Variants in ZNF99 observed in about 807,000 individuals in gnomAD.
The protein encoded by ZNF99 is zinc finger protein 99.
In ZNF99, 8 loss-of-function variants were observed where a neutral mutation model predicts 12.8. The observed-to-expected ratio is 0.62, with a 90% confidence interval of 0.37 to 1.13. The LOEUF (loss-of-function observed/expected upper bound fraction) is 1.13. Ranked by LOEUF, ZNF99 falls within the 50% of genes most tolerant of loss-of-function variation. The probability of loss-of-function intolerance (pLI) is 0.02; values close to 1 mark genes in which losing one functional copy is unlikely to be tolerated. For synonymous variants in ZNF99, 318 were observed against 319.0 expected, an observed-to-expected ratio of 1.00 and a Z score of 0.03; for missense variants, 1,007 against 1,006.2, an observed-to-expected ratio of 1.00 and a Z score of -0.01.
Position 22,755,644 on chromosome 19 carries a change from TTTATG to T in ZNF99, c.*1665_*1669del. On this transcript the variant is annotated 3_prime_UTR_variant, in exon 4 of 4. Transcript: ENST00000596209. ...AGTGTTCCTCTCCAAGATAAATTAT[TTTATG>T]TTGAGTAAAGTTTGAGGACTGGTTA... 3.6e-6 allele frequency: 1 copy of T among 278,158 alleles called. No homozygotes were observed. Among genetic ancestry groups the T allele is most frequent in the Middle Eastern group, 1.2e-3 (1 of 804 alleles). 17.2% of individuals were successfully genotyped at this position (278,158 alleles called of 1,614,324 possible). A position where few individuals can be genotyped will look rare whatever the true frequency, so the allele number is the denominator to read the frequency against.
chr19:22,782,764 C>T (rs1377372567), intron 1 of ZNF99, among the ~76,000 whole-genome samples: 1 of 150,616 alleles, frequency 6.6e-6, no homozygotes, highest in African/African-American at 2.4e-5. Context: ...CTCTGCCTCC[C>T]GGGTTCAAGC....
chr19:22,765,539 A>C (rs1973194625), intron 3 of ZNF99, among the ~76,000 whole-genome samples: 1 of 152,044 alleles, frequency 6.6e-6, no homozygotes, highest in Non-Finnish European at 1.5e-5. Flanking sequence ...AAGACGAAAA[A>C]AAAGAGCTTT....
intron 3 of ZNF99, among the ~76,000 whole-genome samples, chr19:22,761,781 C>CA (rs1192629893): frequency 6.6e-6 from 1 of 152,072 alleles, no homozygotes; most frequent in Non-Finnish European, 1.5e-5. Flanking sequence ...GAAATTATAT[C>CA]AAACACTCTC....
At position 22,756,446 on chromosome 19, in the gene ZNF99, C is replaced by T. The variant is rs142246955; in HGVS notation, c.*868G>A. ...GGACTAAATGCTTTACCACACTCTT[C>T]ACATTTGTAGGGTTTCTTTCCAGTA... On this transcript the variant is annotated 3_prime_UTR_variant, in exon 4 of 4. Coordinates refer to ENST00000596209, the MANE Select transcript of ZNF99 (RefSeq NM_001080409.3). 1.7e-3 allele frequency: 2,623 copies of T among 1,586,840 alleles called. 403 individuals carry two copies. The African/African-American group carries it at 0.023, about 14-fold the overall frequency.
chr19:22,754,046 G>C lies in ZNF99; in HGVS notation c.*3268C>G, dbSNP rs749217822. 5.0e-5 allele frequency: 23 copies of C among 455,924 alleles called. No individual in the cohort carries two copies. Among genetic ancestry groups the C allele is most frequent in the South Asian group, 3.6e-4 (23 of 64,552 alleles). The allele number at this position is 455,924 out of a possible 1,614,324, so 28.2% of individuals were successfully genotyped here. A position where few individuals can be genotyped will look rare whatever the true frequency, so the allele number is the denominator to read the frequency against. ...GTAGAGCTTCTCTCCAGTATGATTT[G>C]ATAACTTATTAAAAACTTTGCCACA... On this transcript the variant is annotated 3_prime_UTR_variant, in exon 4 of 4. Coordinates refer to ENST00000596209, the MANE Select transcript of ZNF99 (RefSeq NM_001080409.3).
chr19:22,763,855 G>A (rs1363711400), intron 3 of ZNF99, among the ~76,000 whole-genome samples: 1 of 140,800 alleles, frequency 7.1e-6, no homozygotes, highest in Non-Finnish European at 1.5e-5. Flanking sequence ...CTTCGACAAA[G>A]CAAACAAAAA....
rs1973079621 is a variant in ZNF99 at position 22,757,473 on chromosome 19, A to T, written c.2436T>A (p.Thr812=). Reference sequence around the variant, plus strand: ...CTTCACATTTGTAGGATTTCTCTCCAGTATGAATTATCTCATGTTTTCTAA... The same window carrying T: ...CTTCACATTTGTAGGATTTCTCTCCTGTATGAATTATCTCATGTTTTCTAA... ...STLRKHEIIH[T]GEKSYKCEEC... The change falls in exon 4 of 4, where the codon ACT becomes ACA. Residue 812 remains threonine (T), a synonymous_variant. Transcript: ENST00000596209. The T allele has an allele frequency of 8.7e-6, 14 of 1,610,838 alleles. No homozygotes were observed. The Admixed American group carries it at 2.3e-4, about 27-fold the overall frequency.
chr19:22,758,003 G>C lies in ZNF99; in HGVS notation c.1906C>G (p.Leu636Val), dbSNP rs774438521. 5 of 1,611,690 alleles carry C rather than the reference G, an allele frequency of 3.1e-6. No homozygotes were observed. Among genetic ancestry groups the C allele is most frequent in the Non-Finnish European group, 1.7e-6 (2 of 1,178,584 alleles). Residue 636 changes from leucine (L) to valine (V), a missense_variant, in exon 4 of 4, where the codon CTT (leucine) becomes GTT (valine). By Grantham distance (32) the Leu-to-Val change is conservative. Coordinates refer to ENST00000596209, the MANE Select transcript of ZNF99 (RefSeq NM_001080409.3). ...GTATGAATTATCTCATGTTTTCTAA[G>C]GGTTGAGGACTGGCTAAAAGCTTTG... ...CGKAFSQSST[L>V]RKHEIIHTGE...
At chr19:22,768,533 T>C in intron 2 of ZNF99, 133 bp from the exon 3 acceptor site, 1 of 727,470 alleles carries the variant, frequency 1.4e-6, no homozygotes, top group Non-Finnish European at 2.1e-6. Context: ...TTTCTAAATA[T>C]TTAGAAAATA....
intron 3 of ZNF99, among the ~76,000 whole-genome samples, chr19:22,764,892 T>A (rs1437753358): frequency 6.6e-6 from 1 of 152,206 alleles, no homozygotes; most frequent in Non-Finnish European, 1.5e-5. Context: ...CTGGTGGGAA[T>A]GTAAACTAGT....
In ZNF99 at chr19:22,758,649, A is replaced by G. The variant is rs1179782454; in HGVS notation, c.1260T>C (p.Thr420=). ...CTTCACATTTGCAGGGTTTCTCTGCAGTATGAATTACCTTATGTACAGTAA... is the reference window on the plus strand; with the variant it reads ...CTTCACATTTGCAGGGTTTCTCTGCGGTATGAATTACCTTATGTACAGTAA... ...SKLTVHKVIH[T]AEKPCKCEEC... Residue 420 remains threonine (T), a synonymous_variant, in exon 4 of 4, where the codon ACT becomes ACC. Transcript: ENST00000596209. The G allele has an allele frequency of 1.2e-6, 2 of 1,612,524 alleles. No individual in the cohort carries two copies. The highest frequency in any genetic ancestry group is 1.7e-6 in the Non-Finnish European group (2 of 1,179,344).
At chr19:22,765,813 G>A (rs1010917136) in intron 3 of ZNF99, among the ~76,000 whole-genome samples, 5 of 151,912 alleles carry the variant, frequency 3.3e-5, no homozygotes, top group African/African-American at 1.2e-4. Context: ...GTGAGACTGT[G>A]CATATATAAC....
rs1973018793 is a variant in ZNF99, at chr19:22,754,480, TTCA to T, written c.*2831_*2833del. 2.4e-6 allele frequency: 1 copy of T among 415,690 alleles called. No individual in the cohort carries two copies. Among genetic ancestry groups the T allele is most frequent in the Non-Finnish European group, 4.7e-6 (1 of 211,412 alleles). 25.8% of individuals were successfully genotyped at this position (415,690 alleles called of 1,614,324 possible). A position where few individuals can be genotyped will look rare whatever the true frequency, so the allele number is the denominator to read the frequency against. On this transcript the variant is annotated 3_prime_UTR_variant, in exon 4 of 4. Coordinates refer to ENST00000596209, the MANE Select transcript of ZNF99 (RefSeq NM_001080409.3). ...TGTTTTTAAAGCTTTTGTCACATTCTTCATATTTATAAAATTTATCTTCTGTAT... is the reference window on the plus strand; with the variant it reads ...TGTTTTTAAAGCTTTTGTCACATTCTTATTTATAAAATTTATCTTCTGTAT...
chr19:22,759,485 C>G lies in ZNF99; in HGVS notation c.424G>C (p.Gly142Arg). 1 of 1,605,866 alleles carries G rather than the reference C, an allele frequency of 6.2e-7. No individual in the cohort carries two copies. Among genetic ancestry groups the G allele is most frequent in the Non-Finnish European group, 8.5e-7 (1 of 1,177,226 alleles). ...TATTTGTTACACTGAAATATTTTTCCCTGGGTAGTTGTCCAACATTGGTTA... is the reference window on the plus strand; with the variant it reads ...TATTTGTTACACTGAAATATTTTTCGCTGGGTAGTTGTCCAACATTGGTTA... ...KLNQCWTTTQ[G>R]KIFQCNKYVK... Residue 142 changes from glycine to arginine, a missense_variant, in exon 4 of 4, where the codon GGA becomes CGA. Transcript: ENST00000596209.
intron 2 of ZNF99, 34 bp downstream of exon 2, chr19:22,769,164 A>G (rs1259675536): frequency 1.9e-6 from 3 of 1,590,164 alleles, no homozygotes; most frequent in African/African-American, 2.7e-5. Flanking sequence ...CCTATAGAAT[A>G]TAATAGGAAT....
At position 22,757,534 on chromosome 19, in the gene ZNF99, T is replaced by C. The variant is rs775013616; in HGVS notation, c.2375A>G (p.Glu792Gly). The change falls in exon 4 of 4, where the codon GAA becomes GGA. Residue 792 changes from glutamate to glycine, a missense_variant. By Grantham distance (98) the Glu-to-Gly change is moderately conservative. Coordinates refer to ENST00000596209, the MANE Select transcript of ZNF99 (RefSeq NM_001080409.3). ...ATTGTTAAAAGCTTTGCCACATTCT[T>C]CACATTTATAGGGTTTCTTTCCAGT... ...IHTGKKPYKC[E>G]ECGKAFNNSS... is the part of the protein sequence containing the mutation. The C allele has an allele frequency of 1.9e-6, 3 of 1,611,270 alleles. No individual in the cohort carries two copies. In the Admixed American group the frequency reaches 5.0e-5, roughly 27 times the overall value.
intron 3 of ZNF99, among the ~76,000 whole-genome samples, chr19:22,760,228 A>T (rs545066717): frequency 6.6e-6 from 1 of 152,280 alleles, no homozygotes; most frequent in South Asian, 2.1e-4. Flanking sequence ...GGGATGTAGA[A>T]ATTACAGTGA....
In ZNF99 at chr19:22,758,883, T is replaced by C. The variant is rs1322017526; in HGVS notation, c.1026A>G (p.Lys342=). 1.4e-5 allele frequency: 23 copies of C among 1,613,632 alleles called. No homozygotes were observed. The highest frequency in any genetic ancestry group is 1.8e-5 in the Non-Finnish European group (21 of 1,179,908). The part of the protein sequence containing the change: ...QIIHTGKKPY[K]CEECGKAFSQ... ...TAAAAGCTTTGCCACATTCTTCACA[T>C]TTGTAGGGTTTCTTTCCAGTATGAA... The change falls in exon 4 of 4, where the codon AAA becomes AAG. Residue 342 remains lysine, a synonymous_variant. Coordinates refer to ENST00000596209, the MANE Select transcript of ZNF99 (RefSeq NM_001080409.3).
intron 1 of ZNF99, among the ~76,000 whole-genome samples, chr19:22,783,424 T>G (rs1310728212): frequency 1.3e-5 from 2 of 152,174 alleles, no homozygotes; most frequent in Non-Finnish European, 2.9e-5. Context: ...CCATCTTGAT[T>G]GTACAAATTA....
Sources: gnomAD v4.1 joint callset for allele counts (sites outside exome capture counted in the v4.1 genomes callset) on GRCh38, gnomAD v4.1.1 for gene constraint, MANE v1.5 for transcripts, NCBI Gene and HGNC (gene_info 2026-07-23, HGNC 2026-07-21) for gene names.